The following ZNF676 variants were observed in gnomAD, a reference collection of about 807,000 sequenced individuals.
The protein encoded by ZNF676 is zinc finger protein 676.
ZNF676 carries 4 observed loss-of-function variants against 6.0 expected under a neutral mutation model. The ratio of observed to expected loss-of-function variants is 0.67; its 90% CI spans 0.33 to 1.53. The LOEUF is 1.53. Among genes scored for constraint, ZNF676 ranks in the 40% most tolerant of loss-of-function variants. ZNF676 has a pLI of 0.06. For synonymous variants in ZNF676, 198 were observed against 223.1 expected (o/e 0.89, Z 1.00); for missense variants, 644 against 679.7 (o/e 0.95, Z 0.58).
At chr19:22,248,329 C>G in the ZNF676 span, among the ~76,000 whole-genome samples, 1 of 152,306 alleles carries the variant, frequency 6.6e-6, no homozygotes, top group East Asian at 1.9e-4. Flanking sequence ...CCACAGTCTT[C>G]TATAATGGTT....
In ZNF676 at chr19:22,205,139, AC is replaced by A. The variant is rs1028702914; in HGVS notation, c.4-8414del. ...AGAGAGAAAATTGTTATAAAAAAAA[AC>A]CATGGGTTCACATGAATAAAGCAAA... On this transcript the variant is annotated intron_variant, in intron 1 of 3. Coordinates refer to the ZNF676 transcript ENST00000650058. Among the ~76,000 whole-genome samples, 125 of 152,242 alleles carry A rather than the reference AC, an allele frequency of 8.2e-4. 1 individual carries two copies. The highest frequency in any genetic ancestry group is 2.8e-3 in the African/African-American group (115 of 41,552).
chr19:22,181,690 A>T (rs10419666), intron 2 of ZNF676, 104 bp from the exon 3 acceptor site: 326,594 of 867,106 alleles, frequency 0.38, 63,391 homozygotes, highest in African/African-American at 0.58. Context: ...AAGCAAGACG[A>T]CATTGCAATA....
At chr19:22,230,302 A>G in the ZNF676 span, among the ~76,000 whole-genome samples, 2 of 152,130 alleles carry the variant, frequency 1.3e-5, no homozygotes, top group South Asian at 4.1e-4. Context: ...GAACAATGAG[A>G]ATGCATGGAC....
At chr19:22,186,337 T>C (rs2023839569) in intron 2 of ZNF676, among the ~76,000 whole-genome samples, 1 of 152,076 alleles carries the variant, frequency 6.6e-6, no homozygotes, top group African/African-American at 2.4e-5. Flanking sequence ...TGCTGAGAGA[T>C]TTTGTCACCA....
At chr19:22,221,868 T>C in the ZNF676 span, among the ~76,000 whole-genome samples, 2 of 152,180 alleles carry the variant, frequency 1.3e-5, no homozygotes, top group African/African-American at 2.4e-5. Flanking sequence ...ATTCTGTAAA[T>C]CTCTGTTAAG....
At position 22,179,525 on chromosome 19, in the gene ZNF676, A is replaced by C; in HGVS notation, c.*425T>G. The C allele has an allele frequency of 2.3e-6, 1 of 435,494 alleles. No individual in the cohort carries two copies. Among genetic ancestry groups the C allele is most frequent in the Non-Finnish European group, 4.5e-6 (1 of 223,006 alleles). The allele number at this position is 435,494 out of a possible 1,614,324, so 27.0% of individuals were successfully genotyped here. ...AGCTAAAAGGCTTGCCACATTCTTC[A>C]CATTTGTAGGGTTTCCCTCCTGTAT... On this transcript the variant is annotated 3_prime_UTR_variant, in exon 3 of 3. Coordinates refer to ENST00000397121, the MANE Select transcript of ZNF676 (RefSeq NM_001001411.3).
intron 1 of ZNF676, among the ~76,000 whole-genome samples, chr19:22,205,500 A>G (rs1400136393): frequency 6.6e-6 from 1 of 152,184 alleles, no homozygotes; most frequent in African/African-American, 2.4e-5. Flanking sequence ...CAATACCAAT[A>G]AAACAACTGG....
chr19:22,216,615 CT>C (rs35772066), upstream of ZNF676, among the ~76,000 whole-genome samples: 2 of 149,898 alleles, frequency 1.3e-5, no homozygotes, highest in Admixed American at 6.6e-5. Context: ...TTTTAATAGC[CT>C]TTTTTTTTAA....
chr19:22,252,292 G>A, the ZNF676 span, among the ~76,000 whole-genome samples: 3 of 151,950 alleles, frequency 2.0e-5, 1 homozygote, highest in Admixed American at 6.6e-5. Context: ...CTTCTCATGA[G>A]GCTGAGGCAA....
chr19:22,211,954 C>T (rs1300261137), intron 1 of ZNF676, among the ~76,000 whole-genome samples: 1 of 152,026 alleles, frequency 6.6e-6, no homozygotes, highest in Non-Finnish European at 1.5e-5. Flanking sequence ...AATCTCAGCA[C>T]TTTGGGAGGC....
chr19:22,249,629 C>A, the ZNF676 span, among the ~76,000 whole-genome samples: 15 of 151,972 alleles, frequency 9.9e-5, no homozygotes, highest in Non-Finnish European at 1.9e-4. Context: ...TCAGGCTGGT[C>A]TCAAACTCCT....
chr19:22,220,788 A>G (rs1332364585), upstream of ZNF676, among the ~76,000 whole-genome samples: 1 of 152,034 alleles, frequency 6.6e-6, no homozygotes, highest in African/African-American at 2.4e-5. Flanking sequence ...TAATCTTGCT[A>G]CTTGTTATTG....
chr19:22,213,099 C>T (rs1450114419), intron 1 of ZNF676, among the ~76,000 whole-genome samples: 2 of 152,122 alleles, frequency 1.3e-5, no homozygotes, highest in African/African-American at 4.8e-5. Flanking sequence ...GTCAGGTCAT[C>T]CAATTACTGA....
At chr19:22,257,742 T>A in the ZNF676 span, among the ~76,000 whole-genome samples, 1 of 151,992 alleles carries the variant, frequency 6.6e-6, no homozygotes, top group Non-Finnish European at 1.5e-5. Context: ...TATCACCTAG[T>A]TGCTTGGTCT....
At chr19:22,253,190 G>A in the ZNF676 span, among the ~76,000 whole-genome samples, 1 of 151,702 alleles carries the variant, frequency 6.6e-6, no homozygotes, top group South Asian at 2.1e-4. Flanking sequence ...AACTTTCTTT[G>A]GATGTGAGAT....
At chr19:22,220,307 T>C (rs932365894), upstream of ZNF676, among the ~76,000 whole-genome samples, 1 of 152,130 alleles carries the variant, frequency 6.6e-6, no homozygotes, top group Admixed American at 6.5e-5. Context: ...ATGATCTTGG[T>C]ATTAGAGTGA....
At chr19:22,253,457 A>G in the ZNF676 span, among the ~76,000 whole-genome samples, 1 of 85,978 alleles carries the variant, frequency 1.2e-5, no homozygotes, top group African/African-American at 3.7e-5. Context: ...TATATATATG[A>G]TAATGTGTGT....
chr19:22,209,159 G>A (rs1286193053), intron 1 of ZNF676, among the ~76,000 whole-genome samples: 4 of 152,032 alleles, frequency 2.6e-5, no homozygotes, highest in Admixed American at 6.6e-5. Flanking sequence ...CAGCTACTTG[G>A]GAGGCTGTGG....
upstream of ZNF676, among the ~76,000 whole-genome samples, chr19:22,199,213 G>A (rs1418297070): frequency 2.0e-5 from 3 of 152,126 alleles, no homozygotes; most frequent in Non-Finnish European, 4.4e-5. Context: ...GTCCATAAAT[G>A]GGTCACTTAA....
Sources: allele counts gnomAD v4.1 joint callset (sites outside exome capture counted in the v4.1 genomes callset), GRCh38; gene constraint gnomAD v4.1.1; transcripts MANE v1.5; gene names NCBI Gene and HGNC (gene_info 2026-07-23, HGNC 2026-07-21).